Variants in DPYS observed in about 807,000 individuals in gnomAD.
DPYS encodes the protein dihydropyrimidine amidohydrolase.
A neutral mutation model predicts 50.3 loss-of-function variants in DPYS; 39 were observed. The observed-to-expected ratio is 0.78, with a 90% CI of 0.60 to 1.01. The LOEUF (loss-of-function observed/expected upper bound fraction) is 1.01. Ranked by LOEUF, DPYS falls within the 50% of genes least tolerant of loss-of-function variation. DPYS has a pLI of 0.00. For missense variants in DPYS, 659 were observed against 680.9 expected (o/e 0.97, Z 0.36); for synonymous variants, 245 against 250.7 (o/e 0.98, Z 0.22).
At chr8:104,424,722 A>G (rs1271338688) in intron 6 of DPYS, among the ~76,000 whole-genome samples, 2 of 152,224 alleles carry the variant, frequency 1.3e-5, no homozygotes, top group Non-Finnish European at 2.9e-5. Context: ...AAAGTTTGAC[A>G]ATACCACATT....
At chr8:104,435,854 G>A (rs1336753802) in intron 4 of DPYS, among the ~76,000 whole-genome samples, 3 of 152,070 alleles carry the variant, frequency 2.0e-5, no homozygotes, top group Non-Finnish European at 2.9e-5. Flanking sequence ...ATGGCTGACC[G>A]GGGTTTTGGT....
chr8:104,411,490 C>T (rs1038203316), intron 7 of DPYS, among the ~76,000 whole-genome samples: 19 of 152,108 alleles, frequency 1.2e-4, no homozygotes, highest in African/African-American at 4.1e-4. Flanking sequence ...AGGGCACAAT[C>T]ATAGCACAGG....
At position 104,466,657 on chromosome 8, in the gene DPYS, C is replaced by T; in HGVS notation, c.264G>A (p.Lys88=). The change falls in exon 1 of 10, where the codon AAG becomes AAA. Residue 88 remains lysine, a splice_region_variant and synonymous_variant. Coordinates refer to ENST00000351513, the MANE Select transcript of DPYS (RefSeq NM_001385.3). The stretch of plus-strand genomic sequence containing the variant: ...GGCGGGGGCGCGGCGGGGCGGGTAC[C>T]TTGGTGCCCTGGTGGAAGTCGTCGA... The part of the protein sequence containing the change: ...RSIDDFHQGT[K]AALSGGTTMI... 1 of 1,515,922 alleles carries T rather than the reference C, an allele frequency of 6.6e-7. No homozygotes were observed. Among genetic ancestry groups the T allele is most frequent in the East Asian group, 2.6e-5 (1 of 38,366 alleles). The allele number at this position is 1,515,922 out of a possible 1,614,324, so 93.9% of individuals were successfully genotyped here.
At position 104,399,290 on chromosome 8, in the gene DPYS, C is replaced by CA. The variant is rs11323938; in HGVS notation, c.1236-6300dup. Among the ~76,000 whole-genome samples, 468 of 74,832 alleles carry CA rather than the reference C, an allele frequency of 6.3e-3. 5 individuals carry two copies. Among genetic ancestry groups the CA allele is most frequent in the Middle Eastern group, 0.025 (2 of 80 alleles). 49.1% of individuals were successfully genotyped at this position (74,832 alleles called of 152,430 possible). A position where few individuals can be genotyped will look rare whatever the true frequency, so the allele number is the denominator to read the frequency against. ...TGGGCAACAGAGTGAGACTCCATCT[C>CA]AAAAAAAAAAAAAAAAAAAACAACA... On this transcript the variant is annotated intron_variant, in intron 7 of 9. Coordinates refer to ENST00000351513, the MANE Select transcript of DPYS (RefSeq NM_001385.3).
chr8:104,455,225 T>G (rs955981813), intron 1 of DPYS, among the ~76,000 whole-genome samples: 3 of 152,230 alleles, frequency 2.0e-5, no homozygotes, highest in Admixed American at 1.3e-4. Flanking sequence ...GGTTGGAATC[T>G]GAGTCATCAG....
At chr8:104,443,625 G>A (rs1420201465) in intron 4 of DPYS, among the ~76,000 whole-genome samples, 3 of 152,180 alleles carry the variant, frequency 2.0e-5, no homozygotes. Context: ...AGGCATGGTG[G>A]CTCACACCTG....
intron 1 of DPYS, among the ~76,000 whole-genome samples, chr8:104,460,537 C>T (rs1814089306): frequency 6.6e-6 from 1 of 152,128 alleles, no homozygotes; most frequent in South Asian, 2.1e-4. Flanking sequence ...GTCTCAAATA[C>T]TTCTTTATAG....
At chr8:104,458,573 T>C (rs1814009705) in intron 1 of DPYS, among the ~76,000 whole-genome samples, 1 of 152,210 alleles carries the variant, frequency 6.6e-6, no homozygotes, top group Admixed American at 6.5e-5. Flanking sequence ...CTGTGCCCAT[T>C]ACAGTACCTG....
intron 4 of DPYS, among the ~76,000 whole-genome samples, chr8:104,434,009 A>T (rs1236751996): frequency 6.6e-6 from 1 of 152,130 alleles, no homozygotes; most frequent in East Asian, 1.9e-4. Context: ...CCCTCAGGAG[A>T]TCTTGAGAAC....
intron 1 of DPYS, among the ~76,000 whole-genome samples, chr8:104,465,750 C>G (rs1256202808): frequency 2.6e-5 from 4 of 152,186 alleles, no homozygotes; most frequent in Non-Finnish European, 4.4e-5. Context: ...TCAAAGCTGT[C>G]CTGGGCTGCA....
chr8:104,447,257 C>T, intron 3 of DPYS, 67 bp downstream of exon 3: 1 of 1,579,078 alleles, frequency 6.3e-7, no homozygotes, highest in Non-Finnish European at 8.7e-7. Flanking sequence ...TATGTAGGCC[C>T]AATCATCTTC....
At chr8:104,389,866 A>T (rs188363150) in intron 8 of DPYS, among the ~76,000 whole-genome samples, 88 of 152,344 alleles carry the variant, frequency 5.8e-4, no homozygotes, top group Non-Finnish European at 7.1e-4. Flanking sequence ...ACCAGAAAAA[A>T]ATACTAAGAA....
chr8:104,458,101 G>A (rs1272398925), intron 1 of DPYS, among the ~76,000 whole-genome samples: 1 of 152,178 alleles, frequency 6.6e-6, no homozygotes, highest in Non-Finnish European at 1.5e-5. Context: ...GGTTACCACT[G>A]TGAGCAACCG....
intron 8 of DPYS, among the ~76,000 whole-genome samples, chr8:104,383,068 G>C (rs1423896668): frequency 6.6e-6 from 1 of 152,122 alleles, no homozygotes; most frequent in Non-Finnish European, 1.5e-5. Flanking sequence ...CACACACAGG[G>C]CCTGTCCTCC....
chr8:104,456,109 T>C (rs186979971), intron 1 of DPYS, among the ~76,000 whole-genome samples: 1 of 152,214 alleles, frequency 6.6e-6, no homozygotes, highest in Admixed American at 6.5e-5. Flanking sequence ...TGGTATTCAG[T>C]AGAGTAACTA....
At chr8:104,408,632 A>G (rs1812074040) in intron 7 of DPYS, among the ~76,000 whole-genome samples, 1 of 152,164 alleles carries the variant, frequency 6.6e-6, no homozygotes, top group South Asian at 2.1e-4. Flanking sequence ...TAAGTTTTCA[A>G]ATAGCAAAAA....
chr8:104,387,025 T>C (rs925396971), intron 8 of DPYS, among the ~76,000 whole-genome samples: 6 of 152,154 alleles, frequency 3.9e-5, no homozygotes, highest in African/African-American at 1.2e-4. Flanking sequence ...TACTAAAATA[T>C]CAATAAAGAC....
chr8:104,466,449 T>C lies in DPYS; in HGVS notation c.264+208A>G, dbSNP rs544387655. Reference sequence around the variant, plus strand: ...TCTGGTTGAGCCAAGGCTGCTCGGCTGCCGCCGAGAAGGGGCGCCTGAAAG... The same window carrying C: ...TCTGGTTGAGCCAAGGCTGCTCGGCCGCCGCCGAGAAGGGGCGCCTGAAAG... On this transcript the variant is annotated intron_variant, in intron 1 of 9. Transcript: ENST00000351513. 2.6e-5 allele frequency among the ~76,000 whole-genome samples: 4 copies of C among 152,274 alleles called. No individual in the cohort carries two copies. The South Asian group carries it at 8.3e-4, about 32-fold the overall frequency.
At chr8:104,386,537 AAAAAG>A (rs1179995493) in intron 8 of DPYS, among the ~76,000 whole-genome samples, 1 of 151,746 alleles carries the variant, frequency 6.6e-6, no homozygotes, top group African/African-American at 2.4e-5. Context: ...TTAAAAAAAA[AAAAAG>A]AAAAGAAAAA....
Sources: gnomAD v4.1 joint callset for allele counts (sites outside exome capture counted in the v4.1 genomes callset) on GRCh38, gnomAD v4.1.1 for gene constraint, MANE v1.5 for transcripts, NCBI Gene and HGNC (gene_info 2026-07-23, HGNC 2026-07-21) for gene names.